SGMS1: variants seen among roughly 807,000 people sequenced by gnomAD.
SGMS1 encodes sphingomyelin synthase 1, also known as phosphatidylcholine:ceramide cholinephosphotransferase 1.
SGMS1 carries 13 observed loss-of-function variants against 46.2 expected under a neutral mutation model. The observed-to-expected ratio is 0.28, with a 90% CI of 0.18 to 0.45. The LOEUF (loss-of-function observed/expected upper bound fraction) is 0.45. SGMS1 is among the 20% of genes least tolerant of loss of function. SGMS1 has a pLI of 1.00. For missense variants in SGMS1, 324 were observed against 519.9 expected, an observed-to-expected ratio of 0.62 and a Z score of 3.66; for synonymous variants, 203 against 187.8, an observed-to-expected ratio of 1.08 and a Z score of -0.66.
At chr10:50,548,532 C>T (rs1245591984) in intron 2 of SGMS1, among the ~76,000 whole-genome samples, 3 of 152,154 alleles carry the variant, frequency 2.0e-5, no homozygotes, top group Non-Finnish European at 4.4e-5. Context: ...AACTGGACCC[C>T]TTCCTTACAC....
chr10:50,557,966 G>C (rs187558263), intron 2 of SGMS1, among the ~76,000 whole-genome samples: 1 of 152,196 alleles, frequency 6.6e-6, no homozygotes, highest in African/African-American at 2.4e-5. Flanking sequence ...CATAGACACC[G>C]TAAGTACCAA....
At chr10:50,543,552 G>A (rs1051971797) in intron 2 of SGMS1, among the ~76,000 whole-genome samples, 1 of 152,208 alleles carries the variant, frequency 6.6e-6, no homozygotes, top group Non-Finnish European at 1.5e-5. Flanking sequence ...CAGGCCAAGG[G>A]AACCCTGAAA....
At chr10:50,478,884 A>C (rs1311503068) in intron 3 of SGMS1, among the ~76,000 whole-genome samples, 2 of 152,074 alleles carry the variant, frequency 1.3e-5, no homozygotes, top group African/African-American at 4.8e-5. Flanking sequence ...GATTTGGGGA[A>C]TTAAAGATTT....
intron 6 of SGMS1, among the ~76,000 whole-genome samples, chr10:50,346,953 C>G (rs1847923388): frequency 6.6e-6 from 1 of 152,156 alleles, no homozygotes; most frequent in South Asian, 2.1e-4. Context: ...AGAATCCCAT[C>G]TTACTCTGGG....
chr10:50,560,544 T>G (rs1838227651), intron 2 of SGMS1, among the ~76,000 whole-genome samples: 1 of 144,980 alleles, frequency 6.9e-6, no homozygotes, highest in South Asian at 2.1e-4. Flanking sequence ...ACATAATATT[T>G]ATGTGTAATA....
intron 2 of SGMS1, among the ~76,000 whole-genome samples, chr10:50,560,210 G>A (rs531723814): frequency 1.1e-4 from 16 of 139,292 alleles, no homozygotes; most frequent in African/African-American, 3.2e-4. Context: ...ATTATATATC[G>A]CATATATATT....
intron 3 of SGMS1, among the ~76,000 whole-genome samples, chr10:50,484,468 CAA>C (rs939330550): frequency 5.3e-5 from 8 of 152,136 alleles, no homozygotes; most frequent in Non-Finnish European, 1.2e-4. Flanking sequence ...ACCAGAGGTA[CAA>C]AGAGGAGCTG....
At chr10:50,493,852 C>T (rs901158374) in intron 3 of SGMS1, among the ~76,000 whole-genome samples, 7 of 152,290 alleles carry the variant, frequency 4.6e-5, no homozygotes, top group South Asian at 4.2e-4. Flanking sequence ...GGCTGGAGTG[C>T]GATGGCACAA....
intron 8 of SGMS1, among the ~76,000 whole-genome samples, chr10:50,316,469 G>T (rs1435794988): frequency 6.6e-6 from 1 of 152,154 alleles, no homozygotes. Flanking sequence ...GCTGCCTTGT[G>T]CACAGCTTGG....
At chr10:50,370,264 A>G (rs1021204581) in intron 6 of SGMS1, among the ~76,000 whole-genome samples, 102 of 152,200 alleles carry the variant, frequency 6.7e-4, no homozygotes, top group African/African-American at 2.2e-3. Context: ...TCTTACTGTA[A>G]CATTTTACCT....
chr10:50,326,596 AC>A (rs756918329), intron 8 of SGMS1, among the ~76,000 whole-genome samples: 2 of 152,242 alleles, frequency 1.3e-5, no homozygotes, highest in Non-Finnish European at 2.9e-5. Context: ...TCCAACGATC[AC>A]CCTAGTTAAA....
At chr10:50,347,542 C>T (rs1847935105) in intron 6 of SGMS1, among the ~76,000 whole-genome samples, 1 of 152,178 alleles carries the variant, frequency 6.6e-6, no homozygotes, top group African/African-American at 2.4e-5. Flanking sequence ...ACTCCTTGGC[C>T]TCAGACCCAA....
chr10:50,336,375 C>T (rs1276887585), intron 7 of SGMS1, among the ~76,000 whole-genome samples: 3 of 152,140 alleles, frequency 2.0e-5, no homozygotes, highest in Admixed American at 1.3e-4. Flanking sequence ...AGTGCAGAAA[C>T]GTGACTGAAG....
chr10:50,620,176 A>AG (rs1564446114), intron 1 of SGMS1, among the ~76,000 whole-genome samples: 1 of 152,218 alleles, frequency 6.6e-6, no homozygotes, highest in Non-Finnish European at 1.5e-5. Flanking sequence ...CTCCTCCCTG[A>AG]CATCCAATGC....
intron 6 of SGMS1, among the ~76,000 whole-genome samples, chr10:50,369,900 T>G (rs866965306): frequency 3.3e-5 from 5 of 152,368 alleles, no homozygotes; most frequent in Middle Eastern, 6.8e-3. Context: ...ATTACATACC[T>G]AGGCTGTATG....
intron 1 of SGMS1, among the ~76,000 whole-genome samples, chr10:50,602,363 TC>T (rs1181596828): frequency 6.6e-6 from 1 of 152,228 alleles, no homozygotes; most frequent in Non-Finnish European, 1.5e-5. Context: ...CTACCTTATG[TC>T]ATAGCATTTA....
chr10:50,395,856 T>C (rs1848841994), intron 6 of SGMS1, among the ~76,000 whole-genome samples: 2 of 152,006 alleles, frequency 1.3e-5, no homozygotes, highest in South Asian at 2.1e-4. Flanking sequence ...AGACAAGAAA[T>C]GGCACAAATC....
intron 2 of SGMS1, among the ~76,000 whole-genome samples, chr10:50,540,608 A>G (rs1414979266): frequency 6.6e-6 from 1 of 152,210 alleles, no homozygotes; most frequent in East Asian, 1.9e-4. Context: ...AAAGTCAACA[A>G]TTTGAAAAAA....
chr10:50,498,225 G>A (rs573839925), intron 3 of SGMS1, among the ~76,000 whole-genome samples: 14 of 152,240 alleles, frequency 9.2e-5, no homozygotes, highest in South Asian at 4.1e-4. Context: ...AGATGTGATC[G>A]GATAAAATCT....
Sources: allele counts gnomAD v4.1 joint callset (sites outside exome capture counted in the v4.1 genomes callset), GRCh38; gene constraint gnomAD v4.1.1; transcripts MANE v1.5; gene names NCBI Gene and HGNC (gene_info 2026-07-23, HGNC 2026-07-21).